The following LINGO2 variants were observed in gnomAD, a reference collection of about 807,000 sequenced individuals.
LINGO2 encodes leucine rich repeat and Ig domain containing 2.
LINGO2 carries 14 observed loss-of-function variants against 30.6 expected under a neutral mutation model. The observed-to-expected ratio is 0.46, with a 90% confidence interval of 0.30 to 0.72. LINGO2 has a LOEUF of 0.72. Ranked by LOEUF, LINGO2 falls within the 30% of genes least tolerant of loss-of-function variation. LINGO2 has a pLI of 0.07. For synonymous variants in LINGO2, 317 were observed against 288.5 expected, an observed-to-expected ratio of 1.10 and a Z score of -1.00; for missense variants, 729 against 751.7, an observed-to-expected ratio of 0.97 and a Z score of 0.35.
At chr9:28,553,726 A>T (rs1462566494) in intron 1 of LINGO2, among the ~76,000 whole-genome samples, 1 of 151,968 alleles carries the variant, frequency 6.6e-6, no homozygotes, top group Admixed American at 6.6e-5. Context: ...ATGAAGGAAA[A>T]AATGTTAAGG....
the LINGO2 span, among the ~76,000 whole-genome samples, chr9:28,751,290 A>AG: frequency 7.4e-6 from 1 of 135,336 alleles, no homozygotes; most frequent in South Asian, 2.1e-4. Context: ...GATCCAGTCA[A>AG]AAAAAAAAAA....
chr9:29,193,267 G>A, the LINGO2 span, among the ~76,000 whole-genome samples: 3 of 152,002 alleles, frequency 2.0e-5, no homozygotes, highest in Admixed American at 6.6e-5. Context: ...TTTTCCTTTA[G>A]GCTCTCTGAG....
chr9:28,028,552 AGATT>A (rs1177699587), intron 4 of LINGO2, among the ~76,000 whole-genome samples: 1 of 152,178 alleles, frequency 6.6e-6, no homozygotes, highest in Non-Finnish European at 1.5e-5. Context: ...AATGAATGGT[AGATT>A]GATGTATCCA....
intron 1 of LINGO2, among the ~76,000 whole-genome samples, chr9:28,529,703 G>T (rs1436671350): frequency 6.6e-6 from 1 of 151,340 alleles, no homozygotes; most frequent in South Asian, 2.1e-4. Flanking sequence ...AGGTGGATCG[G>T]GTAGGTTGGA....
chr9:28,632,677 T>TAC (rs1827007713), intron 1 of LINGO2, among the ~76,000 whole-genome samples: 1 of 120,210 alleles, frequency 8.3e-6, no homozygotes. Flanking sequence ...AAAATATCTA[T>TAC]ATAAAAATAT....
chr9:28,643,684 G>A (rs558270838), intron 1 of LINGO2, among the ~76,000 whole-genome samples: 4 of 152,026 alleles, frequency 2.6e-5, no homozygotes, highest in African/African-American at 9.6e-5. Flanking sequence ...CTGGACAAAT[G>A]GGATCACATT....
the LINGO2 span, among the ~76,000 whole-genome samples, chr9:28,836,285 C>A: frequency 3.3e-5 from 5 of 152,252 alleles, no homozygotes; most frequent in East Asian, 3.9e-4. Flanking sequence ...GGCTTGCAGG[C>A]ACTGCACCCT....
chr9:29,017,572 T>A, the LINGO2 span, among the ~76,000 whole-genome samples: 1 of 152,030 alleles, frequency 6.6e-6, no homozygotes, highest in African/African-American at 2.4e-5. Context: ...GGGAACAAGG[T>A]GGCTAGTAAA....
Position 27,950,639 on chromosome 9 carries a change from TGGCTGCCAGC to T in LINGO2, c.23_32del (p.Cys8TyrfsTer9). On this transcript the variant is annotated frameshift_variant, in exon 6 of 6. Coordinates refer to ENST00000379992, the Ensembl canonical transcript of LINGO2. LOFTEE classifies it high-confidence loss of function. Reference sequence around the variant, plus strand: ...TTAACACCACAGCCAGACCCAGGAATGGCTGCCAGCATGATATGGCCGTGTGAAGCATGAC... The same window carrying T: ...TTAACACCACAGCCAGACCCAGGAATATGATATGGCCGTGTGAAGCATGAC... 2.0e-6 allele frequency: 3 copies of T among 1,513,364 alleles called. No homozygotes were observed. Among genetic ancestry groups the T allele is most frequent in the South Asian group, 1.4e-5 (1 of 74,072 alleles). 93.7% of individuals were successfully genotyped at this position (1,513,364 alleles called of 1,614,324 possible).
the LINGO2 span, among the ~76,000 whole-genome samples, chr9:28,690,064 C>A: frequency 6.6e-6 from 1 of 152,144 alleles, no homozygotes; most frequent in Admixed American, 6.6e-5. Flanking sequence ...CACAATACAA[C>A]CTGTCGGAGG....
At chr9:28,800,887 C>A in the LINGO2 span, among the ~76,000 whole-genome samples, 2 of 151,948 alleles carry the variant, frequency 1.3e-5, no homozygotes, top group Non-Finnish European at 2.9e-5. Context: ...AGTTCTAGTG[C>A]GTGAAGTGTG....
chr9:28,027,771 T>A lies in LINGO2; in HGVS notation c.-86-15366A>T, dbSNP rs35717930. Among the ~76,000 whole-genome samples, 1,233 of 152,298 alleles carry A rather than the reference T, an allele frequency of 8.1e-3. 4 individuals carry two copies. Among genetic ancestry groups the A allele is most frequent in the Non-Finnish European group, 0.013 (896 of 68,014 alleles). On this transcript the variant is annotated intron_variant, in intron 4 of 5. Transcript: ENST00000379992. ...ATGTCTGCTTAGTAGATAAGAGCTATCATTCTAGCCCTGGCCTTAAGGAGC... is the reference window on the plus strand; with the variant it reads ...ATGTCTGCTTAGTAGATAAGAGCTAACATTCTAGCCCTGGCCTTAAGGAGC...
chr9:29,188,776 G>C, the LINGO2 span, among the ~76,000 whole-genome samples: 1 of 140,118 alleles, frequency 7.1e-6, no homozygotes, highest in Non-Finnish European at 1.6e-5. Context: ...AGTAGGGGCG[G>C]CCGGGCAGAG....
At chr9:28,066,736 A>G (rs926264292) in intron 4 of LINGO2, among the ~76,000 whole-genome samples, 2 of 152,122 alleles carry the variant, frequency 1.3e-5, no homozygotes, top group African/African-American at 4.8e-5. Flanking sequence ...GGTCTTTAAG[A>G]AACCCTTCTG....
At chr9:28,988,273 C>A in the LINGO2 span, among the ~76,000 whole-genome samples, 1 of 152,022 alleles carries the variant, frequency 6.6e-6, no homozygotes, top group African/African-American at 2.4e-5. Context: ...TCTTTTCATA[C>A]AATATAATAG....
chr9:28,053,287 C>G (rs1229375559), intron 4 of LINGO2, among the ~76,000 whole-genome samples: 1 of 151,984 alleles, frequency 6.6e-6, no homozygotes, highest in African/African-American at 2.4e-5. Context: ...GCAACACAGG[C>G]TAACTGGGAA....
chr9:28,314,453 C>A (rs1182701739), intron 3 of LINGO2, among the ~76,000 whole-genome samples: 1 of 152,246 alleles, frequency 6.6e-6, no homozygotes, highest in African/African-American at 2.4e-5. Context: ...CTTCCTTCCA[C>A]CTGTCTCCTG....
chr9:29,038,539 A>T, the LINGO2 span, among the ~76,000 whole-genome samples: 1 of 152,004 alleles, frequency 6.6e-6, no homozygotes, highest in African/African-American at 2.4e-5. Flanking sequence ...TTGCTGATAT[A>T]GCATTTATAT....
chr9:29,176,302 T>C, the LINGO2 span, among the ~76,000 whole-genome samples: 1 of 152,214 alleles, frequency 6.6e-6, no homozygotes, highest in Non-Finnish European at 1.5e-5. Context: ...AGACTGATCT[T>C]GGTGATCTCA....
Sources: gnomAD v4.1 joint callset for allele counts (sites outside exome capture counted in the v4.1 genomes callset) on GRCh38, gnomAD v4.1.1 for gene constraint, MANE v1.5 for transcripts, NCBI Gene and HGNC (gene_info 2026-07-23, HGNC 2026-07-21) for gene names.